The following DNAH14 variants were observed in gnomAD, a reference collection of about 807,000 sequenced individuals.
DNAH14 encodes dynein axonemal heavy chain 14.
In DNAH14, 478 loss-of-function variants were observed where a neutral mutation model predicts 520.9. The observed-to-expected ratio is 0.92, with a 90% CI of 0.85 to 0.99. The LOEUF is 0.99. DNAH14 is among the 50% of genes least tolerant of loss of function. The pLI is 0.00. For synonymous variants in DNAH14, 1,581 were observed against 1,757.2 expected (o/e 0.90, Z 2.51); for missense variants, 4,831 against 5,234.5 (o/e 0.92, Z 2.38).
At chr1:225,192,991 C>A in intron 38 of DNAH14, 80 bp downstream of exon 38, 1 of 1,014,330 alleles carries the variant, frequency 9.9e-7, no homozygotes, top group African/African-American at 1.6e-5. Flanking sequence ...GATATTAAAA[C>A]ATCATTAGAC....
intron 60 of DNAH14, among the ~76,000 whole-genome samples, chr1:225,317,650 A>G (rs996950814): frequency 2.0e-5 from 3 of 152,196 alleles, no homozygotes; most frequent in Non-Finnish European, 2.9e-5. Flanking sequence ...GCAGGTTTAG[A>G]ATAGTATATA....
intron 43 of DNAH14, among the ~76,000 whole-genome samples, chr1:225,241,324 A>G (rs1018398789): frequency 6.6e-6 from 1 of 152,238 alleles, no homozygotes; most frequent in African/African-American, 2.4e-5. Flanking sequence ...AAGAACTTTG[A>G]GTAGGTAAAG....
chr1:225,198,291 C>T (rs2086408808), intron 38 of DNAH14, among the ~76,000 whole-genome samples: 1 of 151,572 alleles, frequency 6.6e-6, no homozygotes, highest in African/African-American at 2.4e-5. Flanking sequence ...GATCTTGGCT[C>T]ACTGCAAGCT....
At chr1:225,089,835 G>A (rs2148651411) in intron 21 of DNAH14, among the ~76,000 whole-genome samples, 1 of 152,174 alleles carries the variant, frequency 6.6e-6, no homozygotes, top group Admixed American at 6.5e-5. Flanking sequence ...CCTGAATAAA[G>A]AACATCTATG....
At chr1:225,322,463 T>C (rs550834412) in intron 61 of DNAH14, among the ~76,000 whole-genome samples, 1 of 152,306 alleles carries the variant, frequency 6.6e-6, no homozygotes, top group East Asian at 1.9e-4. Flanking sequence ...GCATTTCATC[T>C]TCCTAAAACT....
intron 27 of DNAH14, among the ~76,000 whole-genome samples, chr1:225,127,533 C>T (rs1215041743): frequency 6.9e-6 from 1 of 144,484 alleles, no homozygotes; most frequent in Non-Finnish European, 1.5e-5. Context: ...ATTGCAACCC[C>T]TGCCTTTTTT....
At chr1:225,073,636 G>A (rs942220114) in intron 17 of DNAH14, among the ~76,000 whole-genome samples, 2 of 151,420 alleles carry the variant, frequency 1.3e-5, no homozygotes, top group African/African-American at 4.9e-5. Context: ...TAGGAAGTTT[G>A]TTGTTGTTGT....
At chr1:225,217,335 G>T (rs576614535) in intron 41 of DNAH14, among the ~76,000 whole-genome samples, 29 of 152,292 alleles carry the variant, frequency 1.9e-4, no homozygotes, top group Non-Finnish European at 2.6e-4. Context: ...TCCCAGTTAG[G>T]CTCCTCAGGC....
At chr1:225,025,599 A>G (rs1362780460) in intron 11 of DNAH14, among the ~76,000 whole-genome samples, 1 of 151,690 alleles carries the variant, frequency 6.6e-6, no homozygotes, top group Non-Finnish European at 1.5e-5. Flanking sequence ...CATCAAAACT[A>G]AGAAAACTAG....
intron 7 of DNAH14, among the ~76,000 whole-genome samples, chr1:224,970,495 C>T (rs2061440202): frequency 6.6e-6 from 1 of 152,098 alleles, no homozygotes; most frequent in African/African-American, 2.4e-5. Flanking sequence ...ACACTCCCTC[C>T]CCTTTTGAAA....
intron 31 of DNAH14, chr1:225,151,754 T>C (rs2080520592): frequency 1.6e-6 from 1 of 618,260 alleles, no homozygotes; most frequent in Non-Finnish European, 2.9e-6. Flanking sequence ...GCTAGGTATC[T>C]TCCAGCCTCA....
intron 27 of DNAH14, among the ~76,000 whole-genome samples, chr1:225,137,530 A>G (rs2079055698): frequency 6.6e-6 from 1 of 151,970 alleles, no homozygotes; most frequent in South Asian, 2.1e-4. Flanking sequence ...TAATTTTTGT[A>G]TTTTTAGTAG....
chr1:225,105,631 C>A (rs2075977608), intron 23 of DNAH14, among the ~76,000 whole-genome samples: 1 of 152,142 alleles, frequency 6.6e-6, no homozygotes, highest in South Asian at 2.1e-4. Context: ...ATCCTTTTAC[C>A]ATTTTGTAAT....
At chr1:225,056,786 G>A (rs945194434) in intron 17 of DNAH14, among the ~76,000 whole-genome samples, 1 of 152,118 alleles carries the variant, frequency 6.6e-6, no homozygotes, top group Non-Finnish European at 1.5e-5. Context: ...ATTAAATAGG[G>A]AATACTTTCC....
At position 225,264,240 on chromosome 1, in the gene DNAH14, A is replaced by G. The variant is rs2093036318; in HGVS notation, c.7201A>G (p.Lys2401Glu). 1.3e-6 allele frequency: 2 copies of G among 1,549,926 alleles called. No individual in the cohort carries two copies. The highest frequency in any genetic ancestry group is 1.7e-6 in the Non-Finnish European group (2 of 1,145,836). ...CACCATCTTGATTCCTGAAACTCAT[A>G]AGACAGCAACTGGAAGTTCAGGTAT... Reference protein sequence around the residue: ...NITILIPETHKTATGSSDNPT... With the variant: ...NITILIPETHETATGSSDNPT... Residue 2401 changes from lysine (K) to glutamate (E), a missense_variant, in exon 47 of 86, where the codon AAG becomes GAG. By Grantham distance (56) the Lys-to-Glu change is moderately conservative. Transcript: ENST00000682510.
chr1:225,241,787 A>G (rs895068150), intron 43 of DNAH14, among the ~76,000 whole-genome samples: 1 of 152,240 alleles, frequency 6.6e-6, no homozygotes, highest in African/African-American at 2.4e-5. Flanking sequence ...TGAATAGGGC[A>G]CTTACCATGA....
At chr1:225,159,241 T>G (rs2081317627) in intron 34 of DNAH14, 73 bp from the exon 35 acceptor site, 25 of 1,256,786 alleles carry the variant, frequency 2.0e-5, no homozygotes, top group Non-Finnish European at 2.7e-5. Context: ...AAACAGAATG[T>G]TAATGGTCTT....
intron 11 of DNAH14, among the ~76,000 whole-genome samples, chr1:225,027,604 A>C (rs1558724652): frequency 6.6e-6 from 1 of 152,116 alleles, no homozygotes. Context: ...CATGTTTTAC[A>C]TGGCTGGATC....
At chr1:224,985,408 A>G (rs909315946) in intron 8 of DNAH14, among the ~76,000 whole-genome samples, 1 of 152,210 alleles carries the variant, frequency 6.6e-6, no homozygotes, top group Non-Finnish European at 1.5e-5. Flanking sequence ...TATGGGAGCT[A>G]AGCTATGAGG....
Sources: allele counts gnomAD v4.1 joint callset (sites outside exome capture counted in the v4.1 genomes callset), GRCh38; gene constraint gnomAD v4.1.1; transcripts MANE v1.5; gene names NCBI Gene and HGNC (gene_info 2026-07-23, HGNC 2026-07-21).